The following CDH12 variants were observed in gnomAD, a reference collection of about 807,000 sequenced individuals.
CDH12 encodes the protein cadherin-12.
Under a neutral mutation model 74.1 loss-of-function variants are expected in CDH12, and 41 were observed. The observed-to-expected ratio is 0.55, with a 90% CI of 0.43 to 0.72. CDH12 has a LOEUF of 0.72. CDH12 is among the 30% of genes least tolerant of loss of function. The probability of loss-of-function intolerance (pLI) is 0.00; values close to 1 mark genes in which losing one functional copy is unlikely to be tolerated. For synonymous variants in CDH12, 399 were observed against 355.0 expected, an observed-to-expected ratio of 1.12 and a Z score of -1.39; for missense variants, 945 against 977.2, an observed-to-expected ratio of 0.97 and a Z score of 0.44.
intron 1 of CDH12, among the ~76,000 whole-genome samples, chr5:22,849,644 A>T (rs1414025027): frequency 6.6e-6 from 1 of 152,136 alleles, no homozygotes; most frequent in Non-Finnish European, 1.5e-5. Context: ...TTTAAGGAAT[A>T]ATACGTAAGT....
chr5:22,285,465 T>C (rs1156255945), intron 3 of CDH12, among the ~76,000 whole-genome samples: 2 of 152,132 alleles, frequency 1.3e-5, no homozygotes, highest in Admixed American at 1.3e-4. Context: ...ATTCAGCATT[T>C]AAAAATGCTA....
intron 5 of CDH12, among the ~76,000 whole-genome samples, chr5:22,054,080 T>C (rs1460587989): frequency 6.6e-6 from 1 of 152,116 alleles, no homozygotes; most frequent in Non-Finnish European, 1.5e-5. Flanking sequence ...CCTATGATGA[T>C]GTAGTTTTTA....
At chr5:22,808,233 C>T (rs889066817) in intron 1 of CDH12, among the ~76,000 whole-genome samples, 3 of 152,022 alleles carry the variant, frequency 2.0e-5, no homozygotes, top group Non-Finnish European at 4.4e-5. Context: ...TATATTTTTC[C>T]CCATTCAAAT....
intron 1 of CDH12, among the ~76,000 whole-genome samples, chr5:22,544,570 C>T (rs190914774): frequency 6.6e-6 from 1 of 152,246 alleles, no homozygotes; most frequent in African/African-American, 2.4e-5. Context: ...ATTTCCAACA[C>T]TTCGAGAGGC....
intron 13 of CDH12, among the ~76,000 whole-genome samples, chr5:21,758,979 G>A (rs1744559433): frequency 1.3e-5 from 2 of 152,034 alleles, no homozygotes; most frequent in Non-Finnish European, 2.9e-5. Context: ...CGGGGAGAAA[G>A]GGAGGAGACA....
chr5:22,365,525 G>A (rs1177483409), intron 3 of CDH12, among the ~76,000 whole-genome samples: 2 of 152,114 alleles, frequency 1.3e-5, no homozygotes, highest in Non-Finnish European at 2.9e-5. Flanking sequence ...AGATAAATAA[G>A]CACATGATAA....
At chr5:22,383,021 G>A (rs925287775) in intron 3 of CDH12, among the ~76,000 whole-genome samples, 4 of 152,008 alleles carry the variant, frequency 2.6e-5, no homozygotes, top group East Asian at 1.9e-4. Context: ...TAGTAAAGAC[G>A]GGATTTCACT....
At chr5:22,049,403 T>C (rs1276485535) in intron 5 of CDH12, among the ~76,000 whole-genome samples, 1 of 152,138 alleles carries the variant, frequency 6.6e-6, no homozygotes, top group Non-Finnish European at 1.5e-5. Flanking sequence ...TTTTAAAATA[T>C]GTTTCTAGTC....
At chr5:22,381,387 G>T (rs531370614) in intron 3 of CDH12, among the ~76,000 whole-genome samples, 8 of 152,086 alleles carry the variant, frequency 5.3e-5, no homozygotes, top group Admixed American at 5.2e-4. Flanking sequence ...GGTAGTGTTT[G>T]TTAATGAAAC....
In CDH12 at chr5:22,385,477, T is replaced by C. The variant is rs928062168; in HGVS notation, c.-333+19780A>G. Among the ~76,000 whole-genome samples, 8 of 152,342 alleles carry C rather than the reference T, an allele frequency of 5.3e-5. No individual in the cohort carries two copies. The East Asian group carries it at 1.5e-3, about 29-fold the overall frequency. ...TAGAAAACTTCCAATTGTATAATCT[T>C]TCTCTGCTTTTTTGAGATGTAAATA... On this transcript the variant is annotated intron_variant, in intron 3 of 14. Coordinates refer to ENST00000382254, the MANE Select transcript of CDH12 (RefSeq NM_004061.5).
intron 3 of CDH12, among the ~76,000 whole-genome samples, chr5:22,390,632 AT>A: frequency 6.7e-6 from 1 of 149,190 alleles, no homozygotes; most frequent in South Asian, 2.1e-4. Context: ...ATGATAGAAT[AT>A]TTTTAAAATA....
intron 1 of CDH12, among the ~76,000 whole-genome samples, chr5:22,618,686 A>G (rs577477133): frequency 6.6e-6 from 1 of 152,246 alleles, no homozygotes; most frequent in South Asian, 2.1e-4. Flanking sequence ...TTTTAAAAAT[A>G]TCTTGGGCAT....
At chr5:21,987,568 A>T (rs1323723639) in intron 5 of CDH12, among the ~76,000 whole-genome samples, 1 of 152,198 alleles carries the variant, frequency 6.6e-6, no homozygotes, top group Non-Finnish European at 1.5e-5. Flanking sequence ...GACTTTTCAT[A>T]ATCTTTCCTT....
At chr5:22,337,597 A>C (rs886910874) in intron 3 of CDH12, among the ~76,000 whole-genome samples, 6 of 152,208 alleles carry the variant, frequency 3.9e-5, no homozygotes, top group African/African-American at 1.4e-4. Flanking sequence ...GCTGCTATCC[A>C]TGTAAAACGT....
chr5:22,321,560 G>A (rs1738883814), intron 3 of CDH12, among the ~76,000 whole-genome samples: 1 of 145,108 alleles, frequency 6.9e-6, no homozygotes, highest in African/African-American at 2.6e-5. Flanking sequence ...CGAGTTAGTG[G>A]GTGCAGCGCA....
At chr5:21,970,522 G>A (rs529824265) in intron 6 of CDH12, among the ~76,000 whole-genome samples, 30 of 152,044 alleles carry the variant, frequency 2.0e-4, no homozygotes, top group Middle Eastern at 3.4e-3. Flanking sequence ...TTCTTAGACC[G>A]TTTAAATATG....
At chr5:21,994,845 A>T (rs1736176294) in intron 5 of CDH12, among the ~76,000 whole-genome samples, 1 of 152,136 alleles carries the variant, frequency 6.6e-6, no homozygotes. Context: ...AAACGGACCA[A>T]TCAGCACTCT....
chr5:22,286,222 A>G (rs1272773015), intron 3 of CDH12, among the ~76,000 whole-genome samples: 1 of 152,194 alleles, frequency 6.6e-6, no homozygotes, highest in Non-Finnish European at 1.5e-5. Context: ...TGAATCAAAA[A>G]TATAATTCTC....
chr5:22,111,731 C>T (rs1580267376), intron 4 of CDH12, among the ~76,000 whole-genome samples: 1 of 152,158 alleles, frequency 6.6e-6, no homozygotes, highest in East Asian at 1.9e-4. Context: ...TCCGTTCTCA[C>T]TGGCCAAAAG....
Sources: gnomAD v4.1 joint callset for allele counts (sites outside exome capture counted in the v4.1 genomes callset) on GRCh38, gnomAD v4.1.1 for gene constraint, MANE v1.5 for transcripts, NCBI Gene and HGNC (gene_info 2026-07-23, HGNC 2026-07-21) for gene names.